The following MCF2L variants were observed in gnomAD, a reference collection of about 807,000 sequenced individuals.
MCF2L encodes the protein MCF.2 cell line derived transforming sequence like, also known as guanine nucleotide exchange factor DBS.
In MCF2L, 97 loss-of-function variants were observed where a neutral mutation model predicts 153.4. That is an observed-to-expected ratio of 0.63 (90% CI 0.54 to 0.75). The LOEUF is 0.75. Ranked by LOEUF, MCF2L falls within the 30% of genes least tolerant of loss-of-function variation. The probability of loss-of-function intolerance (pLI) is 0.00; values close to 1 mark genes in which losing one functional copy is unlikely to be tolerated. For synonymous variants in MCF2L, 659 were observed against 632.2 expected (o/e 1.04, Z -0.64); for missense variants, 1,347 against 1,495.2 (o/e 0.90, Z 1.64).
chr13:113,011,984 T>C lies in MCF2L; in HGVS notation c.80-2779T>C, dbSNP rs2084163534. Among the ~76,000 whole-genome samples the C allele has an allele frequency of 2.2e-5, 2 of 89,592 alleles. 1 individual carries two copies. Among genetic ancestry groups the C allele is most frequent in the Non-Finnish European group, 4.7e-5 (2 of 42,290 alleles). 58.8% of individuals were successfully genotyped at this position (89,592 alleles called of 152,430 possible). A position where few individuals can be genotyped will look rare whatever the true frequency, so the allele number is the denominator to read the frequency against. On this transcript the variant is annotated intron_variant, in intron 1 of 29. Coordinates refer to ENST00000535094, the MANE Select transcript of MCF2L (RefSeq NM_001112732.3). ...GACGGTGGACAGGCTGGGTGGATGG[T>C]GGACACTGCGATGAGGACGGTGGAC...
At chr13:112,970,750 GGTTTCTTCATGAGCTCCAAGAGACAT>G (rs1399488209) in intron 1 of MCF2L, among the ~76,000 whole-genome samples, 2 of 152,042 alleles carry the variant, frequency 1.3e-5, no homozygotes, top group Non-Finnish European at 2.9e-5. Flanking sequence ...TAGGGATTGG[GGTTTCTTCATGAGCTCCAAGAGACAT>G]GTGCGCATTT....
chr13:112,933,865 A>G (rs2081488308), intron 2 of MCF2L, among the ~76,000 whole-genome samples: 1 of 152,228 alleles, frequency 6.6e-6, no homozygotes, highest in Non-Finnish European at 1.5e-5. Flanking sequence ...AGATGCCTGC[A>G]GGAGGAAAGG....
chr13:113,050,590 CT>C (rs1385237048), intron 4 of MCF2L, among the ~76,000 whole-genome samples: 59 of 147,922 alleles, frequency 4.0e-4, no homozygotes, highest in African/African-American at 1.4e-3. Flanking sequence ...TGCGGCCCCC[CT>C]GTGCCAGCTA....
At chr13:113,001,852 G>A (rs1273757955) in intron 1 of MCF2L, 9 of 1,536,366 alleles carry the variant, frequency 5.9e-6, no homozygotes, top group Non-Finnish European at 7.0e-6. Flanking sequence ...CATCCTTTGT[G>A]TGCCCGGGAA....
At chr13:112,980,242 C>G (rs2082360642) in intron 1 of MCF2L, among the ~76,000 whole-genome samples, 1 of 152,258 alleles carries the variant, frequency 6.6e-6, no homozygotes, top group African/African-American at 2.4e-5. Flanking sequence ...ATGGAACAGC[C>G]TAAACTCTCA....
intron 1 of MCF2L, among the ~76,000 whole-genome samples, chr13:113,004,902 G>A (rs773617067): frequency 1.3e-5 from 2 of 152,244 alleles, no homozygotes; most frequent in African/African-American, 2.4e-5. Flanking sequence ...TGGTGGGCAC[G>A]TAAGTTGGTG....
intron 1 of MCF2L, among the ~76,000 whole-genome samples, chr13:113,005,504 GGTTTGTGGTGGCCGTGGTCT>G (rs2083632675): frequency 2.0e-5 from 3 of 151,820 alleles, no homozygotes; most frequent in Admixed American, 6.6e-5. Context: ...GGCCATGGTT[GGTTTGTGGTGGCCGTGGTCT>G]GTTTGTGGTG....
chr13:113,003,958 C>T (rs770101209), intron 1 of MCF2L, among the ~76,000 whole-genome samples: 20 of 152,254 alleles, frequency 1.3e-4, no homozygotes, highest in Non-Finnish European at 1.8e-4. Context: ...AGGACTGAGA[C>T]ACTTGGATTC....
In MCF2L at chr13:113,082,458, T is replaced by G; in HGVS notation, c.1907T>G (p.Met636Arg). 1 of 1,613,994 alleles carries G rather than the reference T, an allele frequency of 6.2e-7. No individual in the cohort carries two copies. Among genetic ancestry groups the G allele is most frequent in the East Asian group, 2.2e-5 (1 of 44,856 alleles). The change falls in exon 17 of 30, where the codon ATG becomes AGG. Residue 636 changes from methionine (M) to arginine (R), a missense_variant. By Grantham distance (91) the Met-to-Arg change is moderately conservative. Transcript: ENST00000535094. ...GCCGCGGAGATGGATAACCCACTGA[T>G]GGCTCACCTCCTGTCAACAGGCCTT... The part of the protein sequence containing the change: ...GYAAEMDNPL[M>R]AHLLSTGLHN...
At chr13:112,997,093 T>G (rs1203863864) in intron 1 of MCF2L, among the ~76,000 whole-genome samples, 1 of 152,206 alleles carries the variant, frequency 6.6e-6, no homozygotes, top group Non-Finnish European at 1.5e-5. Context: ...ACGGAGGGAC[T>G]CTGAGATCAT....
At chr13:113,020,770 A>G (rs1216517239) in intron 2 of MCF2L, among the ~76,000 whole-genome samples, 13 of 151,978 alleles carry the variant, frequency 8.6e-5, no homozygotes, top group Admixed American at 6.6e-4. Context: ...ATAACAGTGT[A>G]TATGTGTAGC....
chr13:112,913,157 CTG>C (rs949871086), intron 2 of MCF2L, among the ~76,000 whole-genome samples: 11 of 133,202 alleles, frequency 8.3e-5, no homozygotes, highest in African/African-American at 1.5e-4. Flanking sequence ...ATTTCTGTGT[CTG>C]TATGTATGGG....
chr13:113,085,322 C>T, intron 20 of MCF2L, 144 bp downstream of exon 20: 1 of 678,716 alleles, frequency 1.5e-6, no homozygotes, highest in South Asian at 1.7e-5. Flanking sequence ...GCTGGGATGC[C>T]TTTCGAGGTC....
upstream of MCF2L, among the ~76,000 whole-genome samples, chr13:112,968,175 C>T (rs981273555): frequency 6.8e-6 from 1 of 146,334 alleles, no homozygotes; most frequent in Admixed American, 6.9e-5. Context: ...TGCCCAGGCT[C>T]AAACTTCTGG....
Position 113,099,152 on chromosome 13 carries a change from ATAGAG to A in MCF2L, c.*2296_*2300del, listed in dbSNP as rs1329788070. On this transcript the variant is annotated 3_prime_UTR_variant, in exon 30 of 30. Transcript: ENST00000535094. Reference sequence around the variant, plus strand: ...CCTGAAATGGGATTCAGGACAGTTCATAGAGTAAAGGGGGCTGCGTGGCAATCAGG... The same window carrying A: ...CCTGAAATGGGATTCAGGACAGTTCATAAAGGGGGCTGCGTGGCAATCAGG... 6.6e-6 allele frequency: 1 copy of A among 152,238 alleles called. No individual in the cohort carries two copies. Among genetic ancestry groups the A allele is most frequent in the Non-Finnish European group, 1.5e-5 (1 of 68,044 alleles). 9.4% of individuals were successfully genotyped at this position (152,238 alleles called of 1,614,324 possible).
intron 2 of MCF2L, among the ~76,000 whole-genome samples, chr13:113,022,666 T>A (rs1255388045): frequency 6.6e-6 from 1 of 152,222 alleles, no homozygotes; most frequent in Non-Finnish European, 1.5e-5. Context: ...CACTCTTACC[T>A]TTAATGGCGA....
intron 1 of MCF2L, chr13:113,001,974 G>C (rs2083403483): frequency 6.3e-7 from 1 of 1,587,314 alleles, no homozygotes; most frequent in African/African-American, 1.3e-5. Context: ...GCTGCTGAAG[G>C]CCGGCGCAGG....
At chr13:112,974,251 G>A (rs975389620) in intron 1 of MCF2L, among the ~76,000 whole-genome samples, 5 of 152,126 alleles carry the variant, frequency 3.3e-5, no homozygotes, top group African/African-American at 4.8e-5. Flanking sequence ...CACCAGTTCC[G>A]CAAAGGCACC....
chr13:113,097,038 G>T lies in MCF2L; in HGVS notation c.*179G>T, dbSNP rs1595055609. On this transcript the variant is annotated 3_prime_UTR_variant, in exon 30 of 30. Coordinates refer to ENST00000535094, the MANE Select transcript of MCF2L (RefSeq NM_001112732.3). ...CAGGTTCCACGGAAGACCCCGGCCC[G>T]CTGGGGCTTCCCCGGAGACTCCAGA... 7.5e-6 allele frequency: 3 copies of T among 401,120 alleles called. No homozygotes were observed. Among genetic ancestry groups the T allele is most frequent in the East Asian group, 8.5e-5 (2 of 23,516 alleles). 24.8% of individuals were successfully genotyped at this position (401,120 alleles called of 1,614,324 possible).
Sources: allele counts gnomAD v4.1 joint callset (sites outside exome capture counted in the v4.1 genomes callset), GRCh38; gene constraint gnomAD v4.1.1; transcripts MANE v1.5; gene names NCBI Gene and HGNC (gene_info 2026-07-23, HGNC 2026-07-21).